The following FAM53A variants were observed in gnomAD, a reference collection of about 807,000 sequenced individuals.
FAM53A encodes the protein protein FAM53A.
In FAM53A, 28 loss-of-function variants were observed where a neutral mutation model predicts 26.6. The ratio of observed to expected loss-of-function variants is 1.05; its 90% CI spans 0.78 to 1.45. The LOEUF is 1.45. Ranked by LOEUF, FAM53A falls within the 40% of genes most tolerant of loss-of-function variation. The pLI, the probability that FAM53A is intolerant of heterozygous loss-of-function variation, is 0.00. For missense variants in FAM53A, 650 were observed against 575.8 expected (o/e 1.13, Z -1.32); for synonymous variants, 290 against 253.1 (o/e 1.15, Z -1.38).
chr4:1,652,711 A>C (rs2108886426), intron 4 of FAM53A, among the ~76,000 whole-genome samples: 1 of 147,664 alleles, frequency 6.8e-6, no homozygotes, highest in Non-Finnish European at 1.5e-5. Context: ...CACAGAACAC[A>C]CACCACACAC....
the FAM53A span, among the ~76,000 whole-genome samples, chr4:1,592,333 C>G: frequency 6.6e-6 from 1 of 152,330 alleles, no homozygotes; most frequent in South Asian, 2.1e-4. Flanking sequence ...GTGGGCGGAG[C>G]GAGGGCTCCG....
chr4:1,684,959 GAGC>G (rs1438550176), upstream of FAM53A, among the ~76,000 whole-genome samples: 1 of 152,136 alleles, frequency 6.6e-6, no homozygotes, highest in African/African-American at 2.4e-5. Flanking sequence ...CCCTAGGGAT[GAGC>G]ACCCTGCAGA....
the FAM53A span, among the ~76,000 whole-genome samples, chr4:1,585,718 T>C: frequency 6.6e-6 from 1 of 152,184 alleles, no homozygotes; most frequent in Non-Finnish European, 1.5e-5. Context: ...ACATTGTCAA[T>C]AACAGGATTT....
At chr4:1,614,951 G>A (rs969964419), downstream of FAM53A, among the ~76,000 whole-genome samples, 4 of 152,186 alleles carry the variant, frequency 2.6e-5, no homozygotes, top group Non-Finnish European at 5.9e-5. Flanking sequence ...GCTTTAAACA[G>A]CAAAATCACC....
downstream of FAM53A, among the ~76,000 whole-genome samples, chr4:1,617,141 A>C (rs1176354681): frequency 3.6e-5 from 4 of 112,526 alleles, no homozygotes; most frequent in African/African-American, 1.4e-4. Flanking sequence ...TGAAATTTTA[A>C]AAAAAAGTTT....
intron 2 of FAM53A, among the ~76,000 whole-genome samples, chr4:1,657,701 G>A (rs990297262): frequency 1.3e-5 from 2 of 151,184 alleles, no homozygotes; most frequent in African/African-American, 2.4e-5. Flanking sequence ...GCAGTGGCGC[G>A]ATCTCGGCTC....
the FAM53A span, among the ~76,000 whole-genome samples, chr4:1,577,437 G>A: frequency 6.6e-6 from 1 of 152,294 alleles, no homozygotes; most frequent in African/African-American, 2.4e-5. Context: ...GGGGTGGTAG[G>A]GGGGCTACTG....
At position 1,648,918 on chromosome 4, in the gene FAM53A, G is replaced by T. The variant is rs189327114; in HGVS notation, c.882+6060C>A. On this transcript the variant is annotated intron_variant, in intron 4 of 4. Transcript: ENST00000308132. ...ACCTGAGGCCAAGAGTTCAAGACCAGCCTGGCCAATATGGTGAAACCCCAT... is the reference window on the plus strand; with the variant it reads ...ACCTGAGGCCAAGAGTTCAAGACCATCCTGGCCAATATGGTGAAACCCCAT... Among the ~76,000 whole-genome samples, 724 of 152,260 alleles carry T rather than the reference G, an allele frequency of 4.8e-3. 3 individuals carry two copies. Among genetic ancestry groups the T allele is most frequent in the Non-Finnish European group, 8.2e-3 (559 of 68,024 alleles).
chr4:1,652,014 ACACACACACCACACACGC>A (rs1712841652), intron 4 of FAM53A, among the ~76,000 whole-genome samples: 1 of 70,212 alleles, frequency 1.4e-5, no homozygotes, highest in Non-Finnish European at 3.7e-5. Flanking sequence ...CACACACGTC[ACACACACACCACACACGC>A]CACACACACA....
At chr4:1,577,706 C>T in the FAM53A span, among the ~76,000 whole-genome samples, 51 of 152,200 alleles carry the variant, frequency 3.4e-4, 1 homozygote, top group Non-Finnish European at 8.8e-5. Context: ...TATAATTATG[C>T]GCGGCGCTCT....
intron 1 of FAM53A, among the ~76,000 whole-genome samples, chr4:1,622,785 A>C (rs891624588): frequency 6.6e-6 from 1 of 151,998 alleles, no homozygotes; most frequent in Non-Finnish European, 1.5e-5. Context: ...CCACATTTCC[A>C]AGCCCTCCAA....
the FAM53A span, among the ~76,000 whole-genome samples, chr4:1,602,110 C>T: frequency 6.6e-6 from 1 of 152,138 alleles, no homozygotes; most frequent in Admixed American, 6.5e-5. Flanking sequence ...GTGGTGCCGG[C>T]GGCTACACCC....
At chr4:1,662,354 C>A (rs1050091552) in intron 2 of FAM53A, among the ~76,000 whole-genome samples, 1 of 151,856 alleles carries the variant, frequency 6.6e-6, no homozygotes, top group Non-Finnish European at 1.5e-5. Context: ...TGGTGGATGC[C>A]TGTAATCCCA....
At chr4:1,638,230 G>A (rs1016952337), downstream of FAM53A, among the ~76,000 whole-genome samples, 6 of 152,032 alleles carry the variant, frequency 3.9e-5, no homozygotes, top group African/African-American at 9.7e-5. Context: ...ACGCAGACAC[G>A]CCCAAGGGAA....
At chr4:1,674,832 G>A (rs150617182) in intron 1 of FAM53A, among the ~76,000 whole-genome samples, 2,661 of 152,286 alleles carry the variant, frequency 0.017, 33 homozygotes, top group Middle Eastern at 0.027. Context: ...TGAGCCATGA[G>A]GATGCAGCAC....
chr4:1,612,950 A>C (rs1395195004), downstream of FAM53A, among the ~76,000 whole-genome samples: 4 of 152,180 alleles, frequency 2.6e-5, no homozygotes, highest in African/African-American at 9.6e-5. Flanking sequence ...TGTACATCTC[A>C]GCACAAATTC....
rs561799880 is a variant in FAM53A, at chr4:1,659,479, G to A, written c.76-2011C>T. On this transcript the variant is annotated intron_variant, in intron 2 of 4. Transcript: ENST00000308132. The surrounding 1 kb of genome is among the most constrained non-coding windows in gnomAD (Gnocchi z 5.2). ...AAGGACTTTCCCAGCCGGCACAGAT[G>A]GCTCTCACGGGCAGCTTGAAGGAGC... Among the ~76,000 whole-genome samples the A allele has an allele frequency of 2.4e-4, 37 of 152,320 alleles. No individual in the cohort carries two copies. Among genetic ancestry groups the A allele is most frequent in the African/African-American group, 8.7e-4 (36 of 41,564 alleles).
At position 1,641,489 on chromosome 4, in the gene FAM53A, G is replaced by A. The variant is rs1711716396; in HGVS notation, c.1001C>T (p.Thr334Ile). 12 of 1,614,088 alleles carry A rather than the reference G, an allele frequency of 7.4e-6. No individual in the cohort carries two copies. The highest frequency in any genetic ancestry group is 5.5e-5 in the South Asian group (5 of 91,096). The change falls in exon 5 of 5, where the codon ACC becomes ATC. Residue 334 changes from threonine (T) to isoleucine (I), a missense_variant. Coordinates refer to ENST00000308132, the MANE Select transcript of FAM53A (RefSeq NM_001174070.3). ...GCCCCTCTGGCTGCAGCCAGGCATG[G>A]TGATGCCAGGGAGGCCCCGGGAGTC... ...PCDSRGLPGI[T>I]MPGCSQRGLR...
chr4:1,612,878 C>T, the FAM53A span, among the ~76,000 whole-genome samples: 1 of 152,222 alleles, frequency 6.6e-6, no homozygotes, highest in Non-Finnish European at 1.5e-5. Flanking sequence ...GACACACAGG[C>T]ACATGGCACC....
Sources: allele counts gnomAD v4.1 joint callset (sites outside exome capture counted in the v4.1 genomes callset), GRCh38; gene constraint gnomAD v4.1.1; non-coding constraint Gnocchi (gnomAD v3.1); transcripts MANE v1.5; gene names NCBI Gene and HGNC (gene_info 2026-07-23, HGNC 2026-07-21).